FAT3: variants seen among roughly 807,000 people sequenced by gnomAD.
FAT3 encodes protocadherin Fat 3.
FAT3 carries 95 observed loss-of-function variants against 310.2 expected under a neutral mutation model. The observed-to-expected ratio is 0.31, with a 90% CI of 0.26 to 0.36. FAT3 has a LOEUF of 0.36. Among genes scored for constraint, FAT3 ranks in the 10% least tolerant of loss-of-function variants. The pLI is 1.00. For synonymous variants in FAT3, 2,314 were observed against 2,192.9 expected (o/e 1.06, Z -1.54); for missense variants, 5,408 against 5,715.6 (o/e 0.95, Z 1.74).
At chr11:92,771,369 A>C (rs989355179) in intron 6 of FAT3, among the ~76,000 whole-genome samples, 2 of 152,172 alleles carry the variant, frequency 1.3e-5, no homozygotes, top group Admixed American at 1.3e-4. Flanking sequence ...CTGAAAAATG[A>C]GACCTGGGGG....
Position 92,857,322 on chromosome 11 carries a change from C to T in FAT3, c.11474C>T (p.Pro3825Leu), listed in dbSNP as rs1715112858. 6.2e-7 allele frequency: 1 copy of T among 1,613,982 alleles called. No homozygotes were observed. Among genetic ancestry groups the T allele is most frequent in the Non-Finnish European group, 8.5e-7 (1 of 1,179,898 alleles). Reference sequence around the variant, plus strand: ...AGGAGACCGTTCCTCTGCCAGTGTCCACCAGGGAAGCTCGGAGAGTGCTCA... The same window carrying T: ...AGGAGACCGTTCCTCTGCCAGTGTCTACCAGGGAAGCTCGGAGAGTGCTCA... ...ASRRPFLCQC[P>L]PGKLGECSGH... Residue 3825 changes from proline to leucine, a missense_variant, in exon 20 of 28, where the codon CCA becomes CTA. Physicochemically the swap from Pro to Leu is moderately conservative, Grantham distance 98 (BLOSUM62 -3). Around this residue, in one of 5 missense-constraint regions of FAT3, gnomAD observed 4,588 missense variants for 4,809.8 expected, o/e 0.95. Coordinates refer to ENST00000525166, the MANE Select transcript of FAT3 (RefSeq NM_001367949.2).
At chr11:92,524,073 G>A (rs1297968614) in intron 2 of FAT3, among the ~76,000 whole-genome samples, 1 of 152,042 alleles carries the variant, frequency 6.6e-6, no homozygotes, top group African/African-American at 2.4e-5. Context: ...CATTTTCGGG[G>A]AAAAAGTAAG....
chr11:92,785,334 G>C (rs1946859850), intron 7 of FAT3, among the ~76,000 whole-genome samples: 1 of 152,106 alleles, frequency 6.6e-6, no homozygotes, highest in Non-Finnish European at 1.5e-5. Flanking sequence ...TCAGGAATCA[G>C]ACAGGGACAT....
intron 1 of FAT3, among the ~76,000 whole-genome samples, chr11:92,259,009 G>A (rs539110383): frequency 6.6e-6 from 1 of 151,960 alleles, no homozygotes; most frequent in East Asian, 2.0e-4. Flanking sequence ...TGGTTGGGCT[G>A]TGTGTGGGGG....
chr11:92,859,435 C>A, intron 21 of FAT3, 113 bp downstream of exon 21: 1 of 1,125,326 alleles, frequency 8.9e-7, no homozygotes, highest in Non-Finnish European at 1.2e-6. Context: ...AGACCAGAAG[C>A]AGACTTCTGG....
intron 3 of FAT3, among the ~76,000 whole-genome samples, chr11:92,687,666 T>C (rs1335971450): frequency 6.6e-6 from 1 of 152,190 alleles, no homozygotes; most frequent in Non-Finnish European, 1.5e-5. Context: ...TTTTATCTTT[T>C]GCCTTGTGTC....
chr11:92,798,335 C>T lies in FAT3; in HGVS notation c.5322C>T (p.Tyr1774=). 3 of 1,613,718 alleles carry T rather than the reference C, an allele frequency of 1.9e-6. No individual in the cohort carries two copies. The highest frequency in any genetic ancestry group is 2.2e-5 in the East Asian group (1 of 44,822). The change falls in exon 10 of 28, where the codon TAC becomes TAT. Residue 1774 remains tyrosine (Y), a synonymous_variant. Transcript: ENST00000525166. The stretch of plus-strand genomic sequence containing the variant: ...CCCCAGTTTTTCTCTTTTCTCAATA[C>T]TCAGGCAGCCTAAGTGAGGCTGCCC... The part of the protein sequence containing the change: ...DNAPVFLFSQ[Y]SGSLSEAAPI...
chr11:92,885,953 G>A (rs944483273), intron 24 of FAT3, among the ~76,000 whole-genome samples: 1 of 152,188 alleles, frequency 6.6e-6, no homozygotes, highest in Non-Finnish European at 1.5e-5. Flanking sequence ...CACCATGCCT[G>A]TTCCTGACAC....
intron 3 of FAT3, among the ~76,000 whole-genome samples, chr11:92,555,698 T>C (rs1167003686): frequency 6.6e-6 from 1 of 152,216 alleles, no homozygotes; most frequent in African/African-American, 2.4e-5. Flanking sequence ...GCTACTCTTC[T>C]TCCTCAAGAC....
At chr11:92,438,147 G>A (rs887546459) in intron 2 of FAT3, among the ~76,000 whole-genome samples, 1 of 152,064 alleles carries the variant, frequency 6.6e-6, no homozygotes, top group African/African-American at 2.4e-5. Context: ...AGGGGGACTT[G>A]GTTAAGTAAA....
chr11:92,472,587 A>C (rs1031199896), intron 2 of FAT3, among the ~76,000 whole-genome samples: 19 of 152,200 alleles, frequency 1.2e-4, no homozygotes, highest in Non-Finnish European at 2.8e-4. Context: ...TAATAATTCA[A>C]GTCGACACAT....
chr11:92,539,371 G>T (rs1954367588), intron 3 of FAT3, among the ~76,000 whole-genome samples: 1 of 152,082 alleles, frequency 6.6e-6, no homozygotes. Flanking sequence ...ATAGTTGGTG[G>T]ATTTATATTT....
At chr11:92,581,716 A>G (rs965107938) in intron 3 of FAT3, among the ~76,000 whole-genome samples, 26 of 151,942 alleles carry the variant, frequency 1.7e-4, no homozygotes, top group Non-Finnish European at 3.2e-4. Context: ...AAATACATAC[A>G]TATACACGTG....
chr11:92,813,904 G>A (rs1054940093), intron 13 of FAT3, among the ~76,000 whole-genome samples: 2 of 152,182 alleles, frequency 1.3e-5, no homozygotes, highest in Non-Finnish European at 2.9e-5. Context: ...AAATTCATAC[G>A]TTGGAACCTA....
intron 2 of FAT3, among the ~76,000 whole-genome samples, chr11:92,514,945 C>G (rs909259529): frequency 1.1e-4 from 17 of 152,084 alleles, no homozygotes; most frequent in Non-Finnish European, 2.1e-4. Flanking sequence ...TGGTGAGGAT[C>G]CTATCACCTG....
At chr11:92,397,899 A>G (rs1049592552) in intron 2 of FAT3, among the ~76,000 whole-genome samples, 18 of 152,048 alleles carry the variant, frequency 1.2e-4, no homozygotes, top group Admixed American at 9.8e-4. Flanking sequence ...AGTTTACATT[A>G]TGACCCATAA....
At position 92,354,458 on chromosome 11, in the gene FAT3, G is replaced by A. The variant is rs1436481944; in HGVS notation, c.2346G>A (p.Gln782=). 23 of 1,613,714 alleles carry A rather than the reference G, an allele frequency of 1.4e-5. No individual in the cohort carries two copies. The highest frequency in any genetic ancestry group is 1.9e-5 in the Non-Finnish European group (23 of 1,179,862). Residue 782 remains glutamine, a synonymous_variant, in exon 2 of 28, where the codon CAG becomes CAA. Transcript: ENST00000525166. ...SCFNIDMETG[Q]LKVLMPMDRE... is the part of the protein sequence containing the mutation. The stretch of plus-strand genomic sequence containing the variant: ...TTAATATTGATATGGAGACTGGGCA[G>A]CTTAAAGTCCTTATGCCCATGGATC...
At chr11:92,302,519 T>C (rs183591620) in intron 1 of FAT3, among the ~76,000 whole-genome samples, 1 of 152,186 alleles carries the variant, frequency 6.6e-6, no homozygotes, top group East Asian at 1.9e-4. Context: ...AAGTTTAATT[T>C]AGGGAAAAGA....
At chr11:92,803,559 G>T (rs944916596) in intron 10 of FAT3, among the ~76,000 whole-genome samples, 1 of 152,192 alleles carries the variant, frequency 6.6e-6, no homozygotes, top group Admixed American at 6.5e-5. Flanking sequence ...GGACCCTGAA[G>T]CTCCCTAGAG....
Sources: gnomAD v4.1 joint callset for allele counts (sites outside exome capture counted in the v4.1 genomes callset) on GRCh38, gnomAD v4.1.1 for gene constraint, gnomAD v4.1.1 regional missense constraint, MANE v1.5 for transcripts, NCBI Gene and HGNC (gene_info 2026-07-23, HGNC 2026-07-21) for gene names.